Variants in PLCXD3 observed in about 807,000 individuals in gnomAD.
The protein encoded by PLCXD3 is PI-PLC X domain-containing protein 3.
A neutral mutation model predicts 25.5 loss-of-function variants in PLCXD3; 19 were observed. The ratio of observed to expected loss-of-function variants is 0.75; its 90% CI spans 0.52 to 1.09. The LOEUF (loss-of-function observed/expected upper bound fraction) is 1.09. Among genes scored for constraint, PLCXD3 ranks in the 50% least tolerant of loss-of-function variants. PLCXD3 has a pLI of 0.00. For synonymous variants in PLCXD3, 174 were observed against 137.6 expected, an observed-to-expected ratio of 1.26 and a Z score of -1.85; for missense variants, 411 against 388.1, an observed-to-expected ratio of 1.06 and a Z score of -0.50.
At chr5:41,473,419 G>C in intron 1 of PLCXD3, among the ~76,000 whole-genome samples, 1 of 151,704 alleles carries the variant, frequency 6.6e-6, no homozygotes, top group Non-Finnish European at 1.5e-5. Flanking sequence ...TAGTGCAAAA[G>C]TAATTGCAGT....
intron 1 of PLCXD3, among the ~76,000 whole-genome samples, chr5:41,422,392 C>A (rs1399899807): frequency 1.3e-5 from 2 of 152,194 alleles, no homozygotes; most frequent in Non-Finnish European, 2.9e-5. Flanking sequence ...GGCTCTGTAG[C>A]CTTGGGAAAT....
At chr5:41,451,150 C>T (rs1747620903) in intron 1 of PLCXD3, among the ~76,000 whole-genome samples, 1 of 152,028 alleles carries the variant, frequency 6.6e-6, no homozygotes, top group African/African-American at 2.4e-5. Context: ...AGAGTGGACT[C>T]TTCAAAAAAT....
At chr5:41,369,131 G>A (rs1745020681) in intron 2 of PLCXD3, among the ~76,000 whole-genome samples, 1 of 152,164 alleles carries the variant, frequency 6.6e-6, no homozygotes, top group Non-Finnish European at 1.5e-5. Context: ...AGACCATGTA[G>A]AAATGTCTGT....
At chr5:41,481,713 T>C (rs1000956906) in intron 1 of PLCXD3, among the ~76,000 whole-genome samples, 1 of 152,240 alleles carries the variant, frequency 6.6e-6, no homozygotes, top group Non-Finnish European at 1.5e-5. Context: ...TGAAAGGAAC[T>C]GAGCTGTGTC....
chr5:41,427,808 T>C (rs904933117), intron 1 of PLCXD3, among the ~76,000 whole-genome samples: 11 of 152,180 alleles, frequency 7.2e-5, no homozygotes, highest in African/African-American at 2.7e-4. Flanking sequence ...GAACAACTCT[T>C]ATGGTGATTT....
At chr5:41,395,390 A>C in intron 1 of PLCXD3, among the ~76,000 whole-genome samples, 1 of 152,108 alleles carries the variant, frequency 6.6e-6, no homozygotes, top group East Asian at 1.9e-4. Flanking sequence ...CTTCAAATGA[A>C]TAATCTAATA....
intron 2 of PLCXD3, among the ~76,000 whole-genome samples, chr5:41,379,870 A>G (rs1745403315): frequency 6.6e-6 from 1 of 152,142 alleles, no homozygotes; most frequent in African/African-American, 2.4e-5. Context: ...CCATACAAAT[A>G]TAAGAAATGT....
chr5:41,488,939 T>C (rs1172300629), intron 1 of PLCXD3, among the ~76,000 whole-genome samples: 101 of 152,050 alleles, frequency 6.6e-4, no homozygotes, highest in African/African-American at 2.2e-3. Flanking sequence ...TTGAATTAGA[T>C]CCCATTTGTC....
At chr5:41,394,132 A>T (rs930474067) in intron 1 of PLCXD3, among the ~76,000 whole-genome samples, 3 of 152,170 alleles carry the variant, frequency 2.0e-5, no homozygotes, top group African/African-American at 7.2e-5. Flanking sequence ...AACAACAAAA[A>T]GTTAAAAAGC....
At chr5:41,433,877 A>AT (rs1200752167) in intron 1 of PLCXD3, among the ~76,000 whole-genome samples, 3 of 152,246 alleles carry the variant, frequency 2.0e-5, no homozygotes, top group African/African-American at 7.2e-5. Context: ...AAGTGATATG[A>AT]TTTTTCCCCC....
intron 1 of PLCXD3, among the ~76,000 whole-genome samples, chr5:41,483,404 G>T (rs1009153049): frequency 6.6e-6 from 1 of 152,106 alleles, no homozygotes; most frequent in Non-Finnish European, 1.5e-5. Context: ...TAACCAGAAG[G>T]GTGAGATTTA....
rs369591431 is a variant in PLCXD3 at position 41,421,627 on chromosome 5, A to G, written c.104-39093T>C. Reference sequence around the variant, plus strand: ...GAGGCAGGAGAATGGCGTGAACCCGAGAGGCGAAGCTTGCAGTGAGCCGAG... The same window carrying G: ...GAGGCAGGAGAATGGCGTGAACCCGGGAGGCGAAGCTTGCAGTGAGCCGAG... On this transcript the variant is annotated intron_variant, in intron 1 of 2. Transcript: ENST00000377801. Among the ~76,000 whole-genome samples, 80 of 152,268 alleles carry G rather than the reference A, an allele frequency of 5.3e-4. 1 individual carries two copies. Among genetic ancestry groups the G allele is most frequent in the African/African-American group, 1.9e-3 (77 of 41,562 alleles).
At chr5:41,341,111 T>A (rs1394194447) in intron 2 of PLCXD3, among the ~76,000 whole-genome samples, 2 of 152,188 alleles carry the variant, frequency 1.3e-5, no homozygotes, top group Non-Finnish European at 2.9e-5. Context: ...TTAGCTACAT[T>A]AAACCAGTAT....
intron 1 of PLCXD3, 31 bp downstream of exon 1, chr5:41,510,386 GGCGCCGA>G (rs762136189): frequency 6.5e-7 from 1 of 1,539,588 alleles, no homozygotes; most frequent in Non-Finnish European, 8.8e-7. Context: ...AGGTGGAGCG[GGCGCCGA>G]GCGCCTAGCC....
chr5:41,386,899 C>A (rs1745653403), intron 1 of PLCXD3, among the ~76,000 whole-genome samples: 1 of 151,962 alleles, frequency 6.6e-6, no homozygotes, highest in African/African-American at 2.4e-5. Context: ...CCAGGAAGTG[C>A]AAATGTAGCT....
chr5:41,357,696 C>A (rs1233905512), intron 2 of PLCXD3, among the ~76,000 whole-genome samples: 1 of 152,088 alleles, frequency 6.6e-6, no homozygotes, highest in Admixed American at 6.5e-5. Context: ...ACTGATAATT[C>A]TGATTACAGA....
At chr5:41,350,952 A>G (rs901281760) in intron 2 of PLCXD3, among the ~76,000 whole-genome samples, 4 of 152,118 alleles carry the variant, frequency 2.6e-5, no homozygotes, top group African/African-American at 9.7e-5. Flanking sequence ...AGCTCTAAAA[A>G]AAAGATTTCT....
At chr5:41,340,191 A>G (rs1308948603) in intron 2 of PLCXD3, among the ~76,000 whole-genome samples, 1 of 152,164 alleles carries the variant, frequency 6.6e-6, no homozygotes, top group Non-Finnish European at 1.5e-5. Flanking sequence ...TCAGGGAATG[A>G]GGTAACCAGC....
At chr5:41,476,998 T>G (rs970925115) in intron 1 of PLCXD3, among the ~76,000 whole-genome samples, 10 of 152,202 alleles carry the variant, frequency 6.6e-5, no homozygotes, top group Non-Finnish European at 2.9e-5. Flanking sequence ...TCAATGACAA[T>G]GTTCTTCCCA....
Sources: allele counts gnomAD v4.1 joint callset (sites outside exome capture counted in the v4.1 genomes callset), GRCh38; gene constraint gnomAD v4.1.1; transcripts MANE v1.5; gene names NCBI Gene and HGNC (gene_info 2026-07-23, HGNC 2026-07-21).